CFAP70: variants seen among roughly 807,000 people sequenced by gnomAD.
CFAP70 encodes cilia- and flagella-associated protein 70.
A neutral mutation model predicts 137.6 loss-of-function variants in CFAP70; 81 were observed. The ratio of observed to expected loss-of-function variants is 0.59; its 90% CI spans 0.49 to 0.71. CFAP70 has a LOEUF of 0.71. Ranked by LOEUF, CFAP70 falls within the 30% of genes least tolerant of loss-of-function variation. CFAP70 has a pLI of 0.00. For missense variants in CFAP70, 976 were observed against 1,226.7 expected, an observed-to-expected ratio of 0.80 and a Z score of 3.05; for synonymous variants, 382 against 423.6, an observed-to-expected ratio of 0.90 and a Z score of 1.20.
chr10:73,314,765 C>T (rs2050197778), intron 9 of CFAP70, among the ~76,000 whole-genome samples: 1 of 151,980 alleles, frequency 6.6e-6, no homozygotes, highest in Admixed American at 6.6e-5. Context: ...TGCCACCACC[C>T]CAGCTAATTT....
intron 12 of CFAP70, among the ~76,000 whole-genome samples, chr10:73,300,997 A>C (rs1461008572): frequency 1.3e-5 from 2 of 152,212 alleles, no homozygotes; most frequent in Non-Finnish European, 2.9e-5. Flanking sequence ...TAGGGAAAGA[A>C]AGACAATAAA....
chr10:73,360,496 G>A (rs971179260), upstream of CFAP70, among the ~76,000 whole-genome samples: 7 of 152,058 alleles, frequency 4.6e-5, no homozygotes, highest in African/African-American at 1.7e-4. Flanking sequence ...CTATACATTC[G>A]AGATCATTTC....
At chr10:73,289,348 C>T (rs969987000) in intron 19 of CFAP70, among the ~76,000 whole-genome samples, 34 of 151,740 alleles carry the variant, frequency 2.2e-4, no homozygotes, top group African/African-American at 7.3e-4. Flanking sequence ...TGCAGTGGTG[C>T]GGTTTTGGCT....
chr10:73,312,524 A>G, exon 10 of CFAP70: 3 of 1,613,118 alleles, frequency 1.9e-6, no homozygotes, highest in Non-Finnish European at 2.5e-6. Context: ...TCACTGGTTT[A>G]TCTTCTTTCA....
chr10:73,254,216 G>C (rs2044241583), intron 26 of CFAP70, 161 bp from the exon 28 acceptor site: 1 of 461,300 alleles, frequency 2.2e-6, no homozygotes, highest in South Asian at 6.2e-5. Flanking sequence ...TCCAGTAGAA[G>C]ACCTTAGAAC....
At chr10:73,257,170 C>T (rs2044608312) in intron 25 of CFAP70, among the ~76,000 whole-genome samples, 1 of 151,916 alleles carries the variant, frequency 6.6e-6, no homozygotes, top group African/African-American at 2.4e-5. Context: ...TTTATTATTC[C>T]CAATTTACAG....
chr10:73,352,153 T>C (rs1452907193), intron 3 of CFAP70, among the ~76,000 whole-genome samples: 3 of 152,178 alleles, frequency 2.0e-5, no homozygotes, highest in African/African-American at 7.2e-5. Flanking sequence ...GCTGACAGTT[T>C]GGGATAGAAG....
intron 9 of CFAP70, among the ~76,000 whole-genome samples, chr10:73,319,098 G>A (rs139096703): frequency 1.3e-5 from 2 of 152,300 alleles, no homozygotes; most frequent in Non-Finnish European, 2.9e-5. Context: ...AAACAAGAAG[G>A]TAATAGTAGC....
At chr10:73,351,466 C>T (rs113708550) in intron 3 of CFAP70, among the ~76,000 whole-genome samples, 4 of 151,784 alleles carry the variant, frequency 2.6e-5, no homozygotes, top group African/African-American at 9.7e-5. Flanking sequence ...GAAAGTCTCA[C>T]TGTGTCACTC....
At chr10:73,310,085 G>T in intron 12 of CFAP70, 73 bp downstream of exon 13, 5 of 913,342 alleles carry the variant, frequency 5.5e-6, no homozygotes, top group Non-Finnish European at 8.4e-6. Flanking sequence ...AATTACAATC[G>T]TGGGGACAAT....
chr10:73,269,484 A>G, intron 25 of CFAP70, 130 bp downstream of exon 26: 1 of 568,192 alleles, frequency 1.8e-6, no homozygotes, highest in Non-Finnish European at 3.2e-6. Flanking sequence ...TGTCATCAGC[A>G]TAATGATTAC....
intron 19 of CFAP70, among the ~76,000 whole-genome samples, chr10:73,290,870 T>G (rs150049911): frequency 6.6e-6 from 1 of 152,204 alleles, no homozygotes; most frequent in South Asian, 2.1e-4. Flanking sequence ...CCACTAATCA[T>G]ATGAATGAGG....
intron 3 of CFAP70, among the ~76,000 whole-genome samples, chr10:73,351,063 GTGTGTGTGTATATATATATATATATATA>G (rs1301111399): frequency 1.8e-5 from 1 of 57,038 alleles, no homozygotes; most frequent in African/African-American, 9.7e-5. Flanking sequence ...GTGTGTGTGT[GTGTGTGTGTATATATATATATATATATA>G]TATATATATA....
intron 8 of CFAP70, among the ~76,000 whole-genome samples, chr10:73,327,109 T>A (rs1467779761): frequency 1.3e-5 from 2 of 148,912 alleles, no homozygotes; most frequent in Non-Finnish European, 1.5e-5. Context: ...GCAAACCGAA[T>A]CCAGCAGCAC....
chr10:73,333,562 T>G (rs1029950411), intron 7 of CFAP70, among the ~76,000 whole-genome samples: 1 of 152,050 alleles, frequency 6.6e-6, no homozygotes, highest in Non-Finnish European at 1.5e-5. Flanking sequence ...ATTGGACTTC[T>G]CTTCAGAAAC....
intron 25 of CFAP70, among the ~76,000 whole-genome samples, chr10:73,256,888 G>A (rs1245345529): frequency 3.1e-5 from 4 of 128,206 alleles, no homozygotes; most frequent in Admixed American, 8.7e-5. Flanking sequence ...GGGCAACAGA[G>A]TGAGACTCCA....
intron 12 of CFAP70, among the ~76,000 whole-genome samples, chr10:73,304,781 T>C (rs1178732877): frequency 6.6e-6 from 1 of 151,178 alleles, no homozygotes; most frequent in African/African-American, 2.4e-5. Flanking sequence ...CATCAAGAGG[T>C]AAAGTCTAGA....
chr10:73,262,014 A>T (rs1281224164), intron 25 of CFAP70, among the ~76,000 whole-genome samples: 9 of 145,188 alleles, frequency 6.2e-5, no homozygotes. Flanking sequence ...ATATGTATAT[A>T]TGTATATATT....
At chr10:73,261,659 G>A (rs1294587592) in intron 25 of CFAP70, among the ~76,000 whole-genome samples, 1 of 152,072 alleles carries the variant, frequency 6.6e-6, no homozygotes, top group Non-Finnish European at 1.5e-5. Flanking sequence ...AATTCGAGAT[G>A]AGATTTGGGT....
Sources: gnomAD v4.1 joint callset for allele counts (sites outside exome capture counted in the v4.1 genomes callset) on GRCh38, gnomAD v4.1.1 for gene constraint, MANE v1.5 for transcripts, NCBI Gene and HGNC (gene_info 2026-07-23, HGNC 2026-07-21) for gene names.